CYB5R3: variants seen among roughly 807,000 people sequenced by gnomAD.
The protein encoded by CYB5R3 is NADH-cytochrome b5 reductase 3.
A neutral mutation model predicts 36.5 loss-of-function variants in CYB5R3; 28 were observed. The ratio of observed to expected loss-of-function variants is 0.77; its 90% CI spans 0.57 to 1.05. CYB5R3 has a LOEUF of 1.05. Among genes scored for constraint, CYB5R3 ranks in the 50% least tolerant of loss-of-function variants. The probability of loss-of-function intolerance (pLI) is 0.00; values close to 1 mark genes in which losing one functional copy is unlikely to be tolerated. For missense variants in CYB5R3, 474 were observed against 408.9 expected, an observed-to-expected ratio of 1.16 and a Z score of -1.37; for synonymous variants, 181 against 159.8, an observed-to-expected ratio of 1.13 and a Z score of -1.00.
At chr22:42,633,875 T>C (rs563917971) in intron 2 of CYB5R3, among the ~76,000 whole-genome samples, 5 of 152,172 alleles carry the variant, frequency 3.3e-5, no homozygotes, top group East Asian at 1.9e-4. Context: ...GCCCAGGAGT[T>C]TGAGGTTGCA....
At chr22:42,624,927 T>G (rs1035436862) in intron 7 of CYB5R3, among the ~76,000 whole-genome samples, 1 of 152,084 alleles carries the variant, frequency 6.6e-6, no homozygotes, top group Non-Finnish European at 1.5e-5. Context: ...AGCTCCTTGG[T>G]GCTCCCCTCC....
At chr22:42,623,676 G>A in intron 8 of CYB5R3, 113 bp downstream of exon 8, 1 of 849,912 alleles carries the variant, frequency 1.2e-6, no homozygotes, top group Admixed American at 1.8e-5. Flanking sequence ...CTCCCACAGG[G>A]CCATAGTGAG....
chr22:42,623,687 T>C, intron 8 of CYB5R3, 102 bp downstream of exon 8: 2 of 938,116 alleles, frequency 2.1e-6, no homozygotes, highest in Non-Finnish European at 3.5e-6. Context: ...CCATAGTGAG[T>C]GCCAGATGTC....
At chr22:42,629,413 T>C (rs1313232171) in intron 4 of CYB5R3, among the ~76,000 whole-genome samples, 1 of 152,120 alleles carries the variant, frequency 6.6e-6, no homozygotes, top group East Asian at 1.9e-4. Flanking sequence ...AGGGAGCCAC[T>C]CTCACCAGCC....
chr22:42,621,753 G>A (rs115549768), intron 8 of CYB5R3, among the ~76,000 whole-genome samples: 92 of 152,374 alleles, frequency 6.0e-4, no homozygotes, highest in African/African-American at 1.3e-3. Flanking sequence ...TCTGGCCACA[G>A]GGCAGGGGCT....
Position 42,623,893 on chromosome 22 carries a change from A to G in CYB5R3, c.634-5T>C, listed in dbSNP as rs888739236. 14 of 1,613,304 alleles carry G rather than the reference A, an allele frequency of 8.7e-6. No homozygotes were observed. The African/African-American group carries it at 1.7e-4, about 20-fold the overall frequency. On this transcript the variant is annotated splice_polypyrimidine_tract_variant and splice_region_variant and intron_variant, in intron 7 of 8. Transcript: ENST00000352397. ...CAGCAGGATGTCCTTCTCGGTCTGC[A>G]GGGGACAGGGCCAGGCAGTCAGGAA... is the stretch of plus-strand genomic sequence containing the variant.
rs528997934 is a variant in CYB5R3, at chr22:42,639,486, G to A, written c.22-2640C>T. Among the ~76,000 whole-genome samples the A allele has an allele frequency of 5.8e-4, 88 of 151,936 alleles. 1 individual carries two copies. The highest frequency in any genetic ancestry group is 2.0e-3 in the African/African-American group (84 of 41,434). On this transcript the variant is annotated intron_variant, in intron 1 of 8. Transcript: ENST00000352397. Reference sequence around the variant, plus strand: ...CTACCAAAAATACAAAAATTAGCCAGGTATGGTAGCGGGCGTCTGCAATCC... The same window carrying A: ...CTACCAAAAATACAAAAATTAGCCAAGTATGGTAGCGGGCGTCTGCAATCC...
chr22:42,624,373 G>T (rs1928154909), intron 7 of CYB5R3, among the ~76,000 whole-genome samples: 1 of 152,116 alleles, frequency 6.6e-6, no homozygotes, highest in Non-Finnish European at 1.5e-5. Context: ...CATTCAGGTT[G>T]TACCTCCAGA....
intron 1 of CYB5R3, chr22:42,644,562 C>A: frequency 6.6e-7 from 1 of 1,526,548 alleles, no homozygotes. Context: ...CCTTCCCTAG[C>A]TAACCAGGCC....
chr22:42,624,717 C>A (rs559574488), intron 7 of CYB5R3, among the ~76,000 whole-genome samples: 1 of 152,028 alleles, frequency 6.6e-6, no homozygotes, highest in African/African-American at 2.4e-5. Flanking sequence ...TCAGGGAACT[C>A]AAAGAAACCA....
At chr22:42,648,018 A>G (rs1023677680) in intron 1 of CYB5R3, among the ~76,000 whole-genome samples, 1 of 152,212 alleles carries the variant, frequency 6.6e-6, no homozygotes, top group South Asian at 2.1e-4. Context: ...CACAGGCAGG[A>G]CATTTCAACA....
chr22:42,640,521 G>A (rs573853625), intron 1 of CYB5R3: 45 of 206,182 alleles, frequency 2.2e-4, no homozygotes, highest in Admixed American at 1.7e-4. Context: ...TGGGATTACA[G>A]GTGAGCACCA....
intron 1 of CYB5R3, among the ~76,000 whole-genome samples, chr22:42,643,365 C>A (rs1040775655): frequency 6.6e-6 from 1 of 152,186 alleles, no homozygotes. Context: ...CTCACGGGGC[C>A]ACTACCAACT....
At chr22:42,638,232 C>G (rs562787508) in intron 1 of CYB5R3, among the ~76,000 whole-genome samples, 1 of 151,860 alleles carries the variant, frequency 6.6e-6, no homozygotes, top group East Asian at 1.9e-4. Flanking sequence ...CCCATCTCTA[C>G]TAAAAATACA....
chr22:42,639,487 G>C (rs1158192342), intron 1 of CYB5R3, among the ~76,000 whole-genome samples: 1 of 151,636 alleles, frequency 6.6e-6, no homozygotes, highest in East Asian at 1.9e-4. Context: ...AATTAGCCAG[G>C]TATGGTAGCG....
chr22:42,638,253 G>A lies in CYB5R3; in HGVS notation c.22-1407C>T, dbSNP rs541751169. Among the ~76,000 whole-genome samples the A allele has an allele frequency of 1.8e-4, 27 of 151,734 alleles. No individual in the cohort carries two copies. In the East Asian group the frequency reaches 2.1e-3, roughly 12 times the overall value. On this transcript the variant is annotated intron_variant, in intron 1 of 8. Coordinates refer to ENST00000352397, the MANE Select transcript of CYB5R3 (RefSeq NM_000398.7). ...TCTACTAAAAATACAAAAATTAGCC[G>A]GGCGTGGTGGCAGGTGCCTGTAATC...
chr22:42,641,946 CAGGT>C (rs2146906669), intron 1 of CYB5R3, among the ~76,000 whole-genome samples: 1 of 152,280 alleles, frequency 6.6e-6, no homozygotes, highest in South Asian at 2.1e-4. Context: ...GTCAACTATA[CAGGT>C]CAGCCCCTAA....
At chr22:42,642,312 C>T (rs1217938031) in intron 1 of CYB5R3, among the ~76,000 whole-genome samples, 2 of 152,124 alleles carry the variant, frequency 1.3e-5, no homozygotes, top group Non-Finnish European at 2.9e-5. Flanking sequence ...TGCGGTTTCA[C>T]CATGTTGCCC....
intron 1 of CYB5R3, chr22:42,646,563 AC>A: frequency 1.2e-6 from 1 of 801,790 alleles, no homozygotes; most frequent in Non-Finnish European, 1.5e-6. Flanking sequence ...AGGGCCCCCG[AC>A]CTGGCAGGCC....
Sources: gnomAD v4.1 joint callset for allele counts (sites outside exome capture counted in the v4.1 genomes callset) on GRCh38, gnomAD v4.1.1 for gene constraint, MANE v1.5 for transcripts, NCBI Gene and HGNC (gene_info 2026-07-23, HGNC 2026-07-21) for gene names.